Variants in COP1 observed in about 807,000 individuals in gnomAD.
The protein encoded by COP1 is COP1 E3 ubiquitin ligase.
Under a neutral mutation model 101.3 loss-of-function variants are expected in COP1, and 24 were observed. The observed-to-expected ratio is 0.24, with a 90% CI of 0.17 to 0.33. The LOEUF (loss-of-function observed/expected upper bound fraction) is 0.33, where lower values mean the gene tolerates loss of function less well. Among genes scored for constraint, COP1 ranks in the 10% least tolerant of loss-of-function variants. The probability of loss-of-function intolerance (pLI) is 1.00; values close to 1 mark genes in which losing one functional copy is unlikely to be tolerated. For synonymous variants in COP1, 347 were observed against 341.9 expected (o/e 1.01, Z -0.17); for missense variants, 663 against 906.2 (o/e 0.73, Z 3.45).
intron 9 of COP1, among the ~76,000 whole-genome samples, chr1:176,098,944 A>G (rs1448924302): frequency 6.6e-6 from 1 of 152,178 alleles, no homozygotes; most frequent in East Asian, 1.9e-4. Context: ...ATGGTGTTCA[A>G]TCTTCTTTAG....
At position 176,104,558 on chromosome 1, in the gene COP1, T is replaced by C. The variant is rs76746408; in HGVS notation, c.1026+12066A>G. On this transcript the variant is annotated intron_variant, in intron 9 of 19. Coordinates refer to ENST00000367669, the MANE Select transcript of COP1 (RefSeq NM_022457.7). ...AACCAGTAAACATATGAAAACATAG[T>C]CAATCTCATTTATAATTAAAGAAAC... Among the ~76,000 whole-genome samples, 1,213 of 152,290 alleles carry C rather than the reference T, an allele frequency of 8.0e-3. 17 individuals are homozygous for C. The highest frequency in any genetic ancestry group is 0.028 in the African/African-American group (1,152 of 41,564).
chr1:176,018,082 TCA>T (rs1665996829), intron 15 of COP1, among the ~76,000 whole-genome samples: 1 of 152,220 alleles, frequency 6.6e-6, no homozygotes, highest in Non-Finnish European at 1.5e-5. Flanking sequence ...CTATTTTCTA[TCA>T]CATACAGTTG....
chr1:176,040,994 G>A (rs1471511328), intron 14 of COP1, among the ~76,000 whole-genome samples: 1 of 151,890 alleles, frequency 6.6e-6, no homozygotes, highest in African/African-American at 2.4e-5. Flanking sequence ...AGGAAAAACA[G>A]AAAACAGTGA....
intron 11 of COP1, among the ~76,000 whole-genome samples, chr1:176,050,312 T>C (rs1174344839): frequency 6.6e-6 from 1 of 152,206 alleles, no homozygotes; most frequent in African/African-American, 2.4e-5. Context: ...GACAGCTGAT[T>C]AATGCATACT....
chr1:176,188,729 T>C (rs1698766767), intron 1 of COP1, among the ~76,000 whole-genome samples: 1 of 152,102 alleles, frequency 6.6e-6, no homozygotes, highest in African/African-American at 2.4e-5. Context: ...CCATATTAGA[T>C]GGCAAACCTC....
At chr1:175,968,491 A>C (rs763286148) in intron 18 of COP1, 25 of 519,032 alleles carry the variant, frequency 4.8e-5, no homozygotes, top group Non-Finnish European at 7.3e-5. Flanking sequence ...ATCTGTAGAC[A>C]AAAGGCATTT....
chr1:176,179,561 C>A (rs1212415895), intron 2 of COP1, among the ~76,000 whole-genome samples: 1 of 151,836 alleles, frequency 6.6e-6, no homozygotes, highest in African/African-American at 2.4e-5. Context: ...TGGTGAAACC[C>A]CAACTCTAAA....
intron 9 of COP1, among the ~76,000 whole-genome samples, chr1:176,115,905 A>T (rs1201689405): frequency 1.3e-5 from 2 of 152,174 alleles, no homozygotes; most frequent in Admixed American, 6.5e-5. Context: ...CTGATTATCT[A>T]TTTTACTCAA....
intron 8 of COP1, among the ~76,000 whole-genome samples, chr1:176,132,648 T>C (rs1339873485): frequency 1.0e-3 from 5 of 4,990 alleles, no homozygotes; most frequent in Non-Finnish European, 1.6e-3. Flanking sequence ...TATGTACGTA[T>C]ATATACTATA....
At chr1:176,128,717 A>C (rs1249704511) in intron 8 of COP1, among the ~76,000 whole-genome samples, 1 of 152,012 alleles carries the variant, frequency 6.6e-6, no homozygotes, top group Non-Finnish European at 1.5e-5. Context: ...GTATTGTCAT[A>C]ATCTTCCCCT....
At chr1:176,086,116 C>A (rs1168666443) in intron 9 of COP1, among the ~76,000 whole-genome samples, 1 of 152,002 alleles carries the variant, frequency 6.6e-6, no homozygotes, top group African/African-American at 2.4e-5. Flanking sequence ...TAAAAATAAG[C>A]TCTAAAGGAC....
chr1:176,059,729 C>T (rs1181397945), intron 11 of COP1, among the ~76,000 whole-genome samples: 8 of 152,138 alleles, frequency 5.3e-5, no homozygotes, highest in Admixed American at 5.2e-4. Context: ...GATCCACCTG[C>T]CTCAGCCTCC....
chr1:176,117,272 C>G (rs1353878245), intron 8 of COP1, among the ~76,000 whole-genome samples: 1 of 152,044 alleles, frequency 6.6e-6, no homozygotes, highest in Non-Finnish European at 1.5e-5. Context: ...GGTAAAATAA[C>G]AATAATCTTG....
At chr1:176,161,094 T>C (rs1694243611) in intron 5 of COP1, among the ~76,000 whole-genome samples, 2 of 152,366 alleles carry the variant, frequency 1.3e-5, no homozygotes, top group South Asian at 2.1e-4. Context: ...GCTTTCTCCC[T>C]ATTGCTGGTG....
intron 18 of COP1, among the ~76,000 whole-genome samples, chr1:175,968,167 G>A (rs1192527158): frequency 6.6e-6 from 1 of 152,164 alleles, no homozygotes; most frequent in Non-Finnish European, 1.5e-5. Flanking sequence ...ACCATGCTCG[G>A]CAAGAGAAGA....
At chr1:176,059,260 C>G (rs1470295961) in intron 11 of COP1, among the ~76,000 whole-genome samples, 1 of 152,132 alleles carries the variant, frequency 6.6e-6, no homozygotes, top group South Asian at 2.1e-4. Context: ...TTATTCTCTC[C>G]CTCTTAAGCA....
At chr1:176,037,253 A>G (rs529698490) in intron 14 of COP1, among the ~76,000 whole-genome samples, 18 of 152,058 alleles carry the variant, frequency 1.2e-4, no homozygotes, top group African/African-American at 4.3e-4. Context: ...ATACAAAAAC[A>G]AAAATTAGCC....
chr1:176,107,973 G>A (rs2149539753), intron 9 of COP1, among the ~76,000 whole-genome samples: 1 of 151,256 alleles, frequency 6.6e-6, no homozygotes, highest in South Asian at 2.1e-4. Context: ...CAATTTAGAG[G>A]AGATTAAAGA....
chr1:176,040,468 C>T (rs1343688062), intron 14 of COP1, among the ~76,000 whole-genome samples: 1 of 152,012 alleles, frequency 6.6e-6, no homozygotes, highest in African/African-American at 2.4e-5. Context: ...CTGTGCGCAC[C>T]ACCACGCCCA....
Sources: allele counts gnomAD v4.1 joint callset (sites outside exome capture counted in the v4.1 genomes callset), GRCh38; gene constraint gnomAD v4.1.1; transcripts MANE v1.5; gene names NCBI Gene and HGNC (gene_info 2026-07-23, HGNC 2026-07-21).